Variants in PDSS2 observed in about 807,000 individuals in gnomAD.
PDSS2 encodes the protein decaprenyl diphosphate synthase subunit 2.
In PDSS2, 31 loss-of-function variants were observed where a neutral mutation model predicts 44.5. The observed-to-expected ratio is 0.70, with a 90% confidence interval of 0.52 to 0.94. The LOEUF (loss-of-function observed/expected upper bound fraction) is 0.94. PDSS2 is among the 40% of genes least tolerant of loss of function. PDSS2 has a pLI of 0.00. For synonymous variants in PDSS2, 157 were observed against 180.3 expected, an observed-to-expected ratio of 0.87 and a Z score of 1.03; for missense variants, 452 against 482.2, an observed-to-expected ratio of 0.94 and a Z score of 0.59.
intron 4 of PDSS2, among the ~76,000 whole-genome samples, chr6:107,212,858 G>T (rs1455604192): frequency 6.7e-6 from 1 of 148,922 alleles, no homozygotes; most frequent in Non-Finnish European, 1.5e-5. Flanking sequence ...AAAAAAAATA[G>T]CTAGGCAAGG....
Position 107,154,478 on chromosome 6 carries a change from A to T in PDSS2, c.*141T>A. ...TTTGTAGCAGTTCCAAAAAGAAAGC[A>T]GAACTCATTTAGCAATGTGATAAAA... On this transcript the variant is annotated 3_prime_UTR_variant, in exon 8 of 8. Coordinates refer to ENST00000369037, the MANE Select transcript of PDSS2 (RefSeq NM_020381.4). 1 of 784,608 alleles carries T rather than the reference A, an allele frequency of 1.3e-6. No individual in the cohort carries two copies. Among genetic ancestry groups the T allele is most frequent in the Non-Finnish European group, 2.1e-6 (1 of 472,478 alleles). The allele number at this position is 784,608 out of a possible 1,614,324, so 48.6% of individuals were successfully genotyped here.
At chr6:107,448,142 T>C (rs1043133034) in intron 1 of PDSS2, among the ~76,000 whole-genome samples, 1 of 152,204 alleles carries the variant, frequency 6.6e-6, no homozygotes, top group Non-Finnish European at 1.5e-5. Context: ...CCTCTAGGTC[T>C]ATGATGGGAG....
At chr6:107,332,552 G>T (rs1777746030) in intron 2 of PDSS2, among the ~76,000 whole-genome samples, 1 of 151,912 alleles carries the variant, frequency 6.6e-6, no homozygotes, top group South Asian at 2.1e-4. Context: ...TTTAATGCTA[G>T]TCTGATCTAT....
At chr6:107,272,084 CAAA>C (rs58296849) in intron 3 of PDSS2, among the ~76,000 whole-genome samples, 3 of 128,888 alleles carry the variant, frequency 2.3e-5, no homozygotes, top group South Asian at 2.5e-4. Flanking sequence ...AAAAAAGAAA[CAAA>C]AAAAAAAAAA....
At chr6:107,439,118 C>G (rs182028938) in intron 1 of PDSS2, among the ~76,000 whole-genome samples, 252 of 152,302 alleles carry the variant, frequency 1.7e-3, no homozygotes, top group African/African-American at 5.8e-3. Context: ...GCATACTGCC[C>G]TCCTCCCTCC....
intron 1 of PDSS2, among the ~76,000 whole-genome samples, chr6:107,385,304 G>A (rs1779578311): frequency 6.6e-6 from 1 of 151,338 alleles, no homozygotes. Flanking sequence ...TTTGAATCCA[G>A]CCTGTGAAAC....
At chr6:107,371,686 G>A (rs1252790866) in intron 1 of PDSS2, among the ~76,000 whole-genome samples, 2 of 152,166 alleles carry the variant, frequency 1.3e-5, no homozygotes. Flanking sequence ...CAGACAGACA[G>A]CTCCAAGACC....
At chr6:107,302,741 AATAT>A (rs1157334435) in intron 2 of PDSS2, among the ~76,000 whole-genome samples, 1 of 152,120 alleles carries the variant, frequency 6.6e-6, no homozygotes, top group Non-Finnish European at 1.5e-5. Flanking sequence ...AAATTAAAAT[AATAT>A]AAAAGTATAT....
chr6:107,414,498 C>T (rs1455137217), intron 1 of PDSS2, among the ~76,000 whole-genome samples: 2 of 152,192 alleles, frequency 1.3e-5, no homozygotes, highest in Non-Finnish European at 2.9e-5. Flanking sequence ...GCATTAGCCC[C>T]TGCAAGTATA....
chr6:107,437,720 C>G (rs1451506129), intron 1 of PDSS2, among the ~76,000 whole-genome samples: 2 of 151,942 alleles, frequency 1.3e-5, no homozygotes, highest in South Asian at 4.1e-4. Context: ...CTATGCCCCA[C>G]CTCTGGTTGA....
chr6:107,443,536 T>C (rs1410134057), intron 1 of PDSS2, among the ~76,000 whole-genome samples: 1 of 152,220 alleles, frequency 6.6e-6, no homozygotes, highest in Admixed American at 6.5e-5. Flanking sequence ...GTATAGTTGG[T>C]TCATGTATCT....
At chr6:107,190,485 T>C (rs1252140756) in intron 7 of PDSS2, among the ~76,000 whole-genome samples, 1 of 152,192 alleles carries the variant, frequency 6.6e-6, no homozygotes, top group African/African-American at 2.4e-5. Context: ...AAAAAGAAAC[T>C]GTCTCTGCCC....
At chr6:107,228,603 G>A (rs1342689877) in intron 4 of PDSS2, among the ~76,000 whole-genome samples, 9 of 152,212 alleles carry the variant, frequency 5.9e-5, no homozygotes, top group South Asian at 2.1e-4. Flanking sequence ...GCTGAGGCAA[G>A]AGAATCTCTT....
At chr6:107,386,379 T>C (rs1420487238) in intron 1 of PDSS2, among the ~76,000 whole-genome samples, 1 of 143,562 alleles carries the variant, frequency 7.0e-6, no homozygotes, top group African/African-American at 2.6e-5. Context: ...TGTCATTTTC[T>C]AAAAAAAAAA....
chr6:107,225,200 G>T (rs539053195), intron 4 of PDSS2, among the ~76,000 whole-genome samples: 15 of 97,976 alleles, frequency 1.5e-4, no homozygotes, highest in Admixed American at 9.3e-4. Context: ...GAGACAGAGT[G>T]TCACTCTGTT....
chr6:107,205,341 C>T (rs1772935514), intron 6 of PDSS2, among the ~76,000 whole-genome samples: 1 of 152,152 alleles, frequency 6.6e-6, no homozygotes, highest in African/African-American at 2.4e-5. Flanking sequence ...CTTATTTCTT[C>T]AGGTGACTTA....
At chr6:107,388,205 A>G (rs1160791506) in intron 1 of PDSS2, among the ~76,000 whole-genome samples, 1 of 152,250 alleles carries the variant, frequency 6.6e-6, no homozygotes, top group Non-Finnish European at 1.5e-5. Context: ...TTTATTATCC[A>G]GCCCAGGACA....
chr6:107,402,466 A>ATATATGTATACGTATATACG (rs1554276776), intron 1 of PDSS2, among the ~76,000 whole-genome samples: 427 of 26,532 alleles, frequency 0.016, 69 homozygotes, highest in Non-Finnish European at 0.036. Context: ...ATATATACGT[A>ATATATGTATACGTATATACG]TATATATGTA....
intron 1 of PDSS2, among the ~76,000 whole-genome samples, chr6:107,435,803 C>G (rs543759147): frequency 6.6e-6 from 1 of 152,114 alleles, no homozygotes; most frequent in Admixed American, 6.6e-5. Context: ...TCTAGCATCA[C>G]AATACTGGAA....
Sources: allele counts gnomAD v4.1 joint callset (sites outside exome capture counted in the v4.1 genomes callset), GRCh38; gene constraint gnomAD v4.1.1; transcripts MANE v1.5; gene names NCBI Gene and HGNC (gene_info 2026-07-23, HGNC 2026-07-21).